The following MSRB3 variants were observed in gnomAD, a reference collection of about 807,000 sequenced individuals.
The protein encoded by MSRB3 is methionine sulfoxide reductase B3.
MSRB3 carries 13 observed loss-of-function variants against 21.0 expected under a neutral mutation model. That is an observed-to-expected ratio of 0.62 (90% CI 0.40 to 0.98). MSRB3 has a LOEUF of 0.98. Among genes scored for constraint, MSRB3 ranks in the 50% least tolerant of loss-of-function variants. MSRB3 has a pLI of 0.00. For missense variants in MSRB3, 199 were observed against 230.3 expected (o/e 0.86, Z 0.88); for synonymous variants, 87 against 88.6 (o/e 0.98, Z 0.10).
rs537382724 is a variant in MSRB3, at chr12:65,437,331, C to T, written c.293-16397C>T. 1.3e-3 allele frequency among the ~76,000 whole-genome samples: 196 copies of T among 151,902 alleles called. 1 individual carries two copies. The highest frequency in any genetic ancestry group is 3.5e-3 in the South Asian group (17 of 4,812). On this transcript the variant is annotated intron_variant, in intron 5 of 6. Transcript: ENST00000308259. ...CTTCTTGCTCCCGGAGACTAAGAAGCGGCTAAACATCTGAGCTGCATCACT... is the reference window on the plus strand; with the variant it reads ...CTTCTTGCTCCCGGAGACTAAGAAGTGGCTAAACATCTGAGCTGCATCACT...
In MSRB3 at chr12:65,409,759, T is replaced by C. The variant is rs561243303; in HGVS notation, c.292+40733T>C. ...TATCAAGAGTTATCTAGATTTATTATAAAAATAACTTTTATGAGTTTTATT... is the reference window on the plus strand; with the variant it reads ...TATCAAGAGTTATCTAGATTTATTACAAAAATAACTTTTATGAGTTTTATT... On this transcript the variant is annotated intron_variant, in intron 5 of 6. Transcript: ENST00000308259. 2.0e-5 allele frequency among the ~76,000 whole-genome samples: 3 copies of C among 152,298 alleles called. No individual in the cohort carries two copies. In the South Asian group the frequency reaches 6.2e-4, roughly 32 times the overall value.
rs1342729246 is a variant in MSRB3, at chr12:65,453,988, C to T, written c.390+163C>T. 5.6e-6 allele frequency: 4 copies of T among 709,382 alleles called. No homozygotes were observed. The African/African-American group carries it at 7.0e-5, about 12-fold the overall frequency. 43.9% of individuals were successfully genotyped at this position (709,382 alleles called of 1,614,324 possible). ...GCCTATGTTCAGGTGTTTAGCAAGT[C>T]TAGTGGAATGTTAAGGTCGGCATGA... On this transcript the variant is annotated intron_variant, in intron 6 of 6. Coordinates refer to ENST00000308259, the MANE Select transcript of MSRB3 (RefSeq NM_001031679.3).
At chr12:65,296,289 C>CAA (rs1172338697) in intron 1 of MSRB3, among the ~76,000 whole-genome samples, 2 of 152,130 alleles carry the variant, frequency 1.3e-5, no homozygotes, top group Non-Finnish European at 2.9e-5. Context: ...TTAAACCCTC[C>CAA]AACACTCACA....
Position 65,465,057 on chromosome 12 carries a change from A to G in MSRB3, c.*1735A>G, listed in dbSNP as rs951610083. On this transcript the variant is annotated 3_prime_UTR_variant, in exon 7 of 7. Coordinates refer to ENST00000308259, the MANE Select transcript of MSRB3 (RefSeq NM_001031679.3). ...CTAATTGCCTCAAAGGCCAAAGCCC[A>G]GGCATTTGAAATGGAAAGAAGCAGA... 3 of 152,262 alleles carry G rather than the reference A, an allele frequency of 2.0e-5. No individual in the cohort carries two copies. Among genetic ancestry groups the G allele is most frequent in the Admixed American group, 2.0e-4 (3 of 15,290 alleles). 9.4% of individuals were successfully genotyped at this position (152,262 alleles called of 1,614,324 possible).
chr12:65,370,538 C>G (rs1381235888), intron 5 of MSRB3, among the ~76,000 whole-genome samples: 3 of 152,106 alleles, frequency 2.0e-5, no homozygotes, highest in African/African-American at 7.2e-5. Flanking sequence ...AAGGTAGAAC[C>G]TGGAAGTAGT....
intron 4 of MSRB3, among the ~76,000 whole-genome samples, chr12:65,346,154 C>T (rs1236321208): frequency 1.3e-5 from 2 of 151,172 alleles, no homozygotes; most frequent in Non-Finnish European, 2.9e-5. Context: ...CCTGAGGAAT[C>T]GCCACACTGA....
chr12:65,295,393 G>A (rs530820808), intron 1 of MSRB3, among the ~76,000 whole-genome samples: 10 of 152,026 alleles, frequency 6.6e-5, no homozygotes, highest in African/African-American at 2.2e-4. Context: ...TGTATTATAC[G>A]TTCTCCCTTT....
At chr12:65,406,182 T>C (rs1168332263) in intron 5 of MSRB3, among the ~76,000 whole-genome samples, 1 of 152,204 alleles carries the variant, frequency 6.6e-6, no homozygotes, top group South Asian at 2.1e-4. Context: ...TGTGTTTTAT[T>C]CAAGTAGTTT....
chr12:65,426,782 T>C (rs768993274), intron 5 of MSRB3, among the ~76,000 whole-genome samples: 1 of 152,156 alleles, frequency 6.6e-6, no homozygotes, highest in African/African-American at 2.4e-5. Context: ...AGATAACTTG[T>C]CTTTGAGTTC....
chr12:65,422,587 TAATTA>T (rs1023429168), intron 5 of MSRB3, among the ~76,000 whole-genome samples: 4 of 151,304 alleles, frequency 2.6e-5, no homozygotes, highest in Non-Finnish European at 4.4e-5. Flanking sequence ...TTTAAATGTA[TAATTA>T]AATTATTATT....
intron 4 of MSRB3, among the ~76,000 whole-genome samples, chr12:65,337,273 A>G (rs560043557): frequency 6.6e-6 from 1 of 151,688 alleles, no homozygotes; most frequent in African/African-American, 2.4e-5. Context: ...CAAAACAAAA[A>G]AAAACCAAAA....
intron 5 of MSRB3, among the ~76,000 whole-genome samples, chr12:65,453,343 T>C (rs1012763684): frequency 2.7e-4 from 41 of 152,302 alleles, no homozygotes; most frequent in African/African-American, 8.4e-4. Flanking sequence ...GACCAATTGA[T>C]TGTGTTTTGG....
intron 4 of MSRB3, among the ~76,000 whole-genome samples, chr12:65,364,494 T>C (rs1024513546): frequency 3.9e-5 from 6 of 152,190 alleles, no homozygotes; most frequent in Admixed American, 3.3e-4. Flanking sequence ...CAATTATATT[T>C]ATGCATGTTA....
At chr12:65,354,643 A>C (rs952065747) in intron 4 of MSRB3, among the ~76,000 whole-genome samples, 2 of 151,614 alleles carry the variant, frequency 1.3e-5, no homozygotes, top group African/African-American at 4.8e-5. Context: ...TTTTTTAAGA[A>C]AGATCTTTAA....
intron 1 of MSRB3, among the ~76,000 whole-genome samples, chr12:65,297,119 A>G (rs889295244): frequency 1.3e-5 from 2 of 152,208 alleles, no homozygotes; most frequent in Non-Finnish European, 2.9e-5. Flanking sequence ...TAATGCAGGA[A>G]CAGAAAACCA....
At chr12:65,414,620 G>T (rs1880880363) in intron 5 of MSRB3, among the ~76,000 whole-genome samples, 1 of 152,104 alleles carries the variant, frequency 6.6e-6, no homozygotes, top group African/African-American at 2.4e-5. Context: ...TTTACTCTGT[G>T]ACATTTATAT....
In MSRB3 at chr12:65,301,788, T is replaced by A. The variant is rs570598863; in HGVS notation, c.-51-6741T>A. 3.3e-4 allele frequency among the ~76,000 whole-genome samples: 50 copies of A among 152,318 alleles called. No individual in the cohort carries two copies. In the South Asian group the frequency reaches 0.01, roughly 32 times the overall value. On this transcript the variant is annotated intron_variant, in intron 1 of 6. Transcript: ENST00000308259. ...AAAGGTTATTAAAATACTCCTCCAC[T>A]TTCCAGCTACTTATTTGTGTGAGTC...
intron 5 of MSRB3, among the ~76,000 whole-genome samples, chr12:65,404,567 G>T (rs1269209717): frequency 6.6e-6 from 1 of 152,134 alleles, no homozygotes; most frequent in Admixed American, 6.5e-5. Flanking sequence ...CTGAGTTTCT[G>T]ATTTATATCA....
At chr12:65,308,955 AG>A (rs1172871658) in intron 2 of MSRB3, 3 of 429,622 alleles carry the variant, frequency 7.0e-6, no homozygotes, top group African/African-American at 2.0e-5. Flanking sequence ...CGTTCATAAG[AG>A]GCTGGCAGTC....
Sources: allele counts gnomAD v4.1 joint callset (sites outside exome capture counted in the v4.1 genomes callset), GRCh38; gene constraint gnomAD v4.1.1; transcripts MANE v1.5; gene names NCBI Gene and HGNC (gene_info 2026-07-23, HGNC 2026-07-21).